The following FSTL5 variants were observed in gnomAD, a reference collection of about 807,000 sequenced individuals.
FSTL5 encodes the protein follistatin like 5, also known as follistatin-related protein 5.
FSTL5 carries 62 observed loss-of-function variants against 89.1 expected under a neutral mutation model. The ratio of observed to expected loss-of-function variants is 0.70; its 90% CI spans 0.57 to 0.86. The LOEUF is 0.86. FSTL5 is among the 40% of genes least tolerant of loss of function. The pLI, the probability that FSTL5 is intolerant of heterozygous loss-of-function variation, is 0.00. For missense variants in FSTL5, 1,057 were observed against 1,001.6 expected (o/e 1.06, Z -0.75); for synonymous variants, 383 against 346.2 (o/e 1.11, Z -1.18).
intron 2 of FSTL5, among the ~76,000 whole-genome samples, chr4:162,101,697 C>T (rs1236318644): frequency 6.6e-6 from 1 of 152,082 alleles, no homozygotes; most frequent in Non-Finnish European, 1.5e-5. Flanking sequence ...CAAATAAAAC[C>T]CTTCCAGTTG....
chr4:161,413,066 CT>C (rs1333259867), intron 15 of FSTL5, among the ~76,000 whole-genome samples: 2 of 151,844 alleles, frequency 1.3e-5, no homozygotes, highest in African/African-American at 4.8e-5. Context: ...ACAATGGGAC[CT>C]TTTTAAGCTA....
At chr4:161,595,217 G>A (rs1733969882) in intron 7 of FSTL5, among the ~76,000 whole-genome samples, 1 of 151,960 alleles carries the variant, frequency 6.6e-6, no homozygotes, top group Non-Finnish European at 1.5e-5. Flanking sequence ...TTCCTCAGCA[G>A]TTTTCTAATC....
At chr4:161,707,647 C>A (rs1738627290) in intron 6 of FSTL5, among the ~76,000 whole-genome samples, 1 of 151,694 alleles carries the variant, frequency 6.6e-6, no homozygotes, top group South Asian at 2.1e-4. Flanking sequence ...ATTATTCTGC[C>A]AAATGTATTG....
intron 1 of FSTL5, among the ~76,000 whole-genome samples, chr4:162,156,542 C>T (rs2110751393): frequency 6.6e-6 from 1 of 152,212 alleles, no homozygotes; most frequent in Admixed American, 6.6e-5. Flanking sequence ...TACACATACA[C>T]CATGTAATAC....
intron 6 of FSTL5, among the ~76,000 whole-genome samples, chr4:161,700,803 TTA>T (rs1222833639): frequency 6.6e-6 from 1 of 152,230 alleles, no homozygotes; most frequent in Non-Finnish European, 1.5e-5. Flanking sequence ...ATTGGTACAT[TTA>T]TATGTCTGTA....
intron 13 of FSTL5, among the ~76,000 whole-genome samples, chr4:161,464,569 T>C (rs553976878): frequency 6.6e-6 from 1 of 152,344 alleles, no homozygotes; most frequent in South Asian, 2.1e-4. Flanking sequence ...TATTTCTTAT[T>C]GTCTGCCTCA....
intron 3 of FSTL5, among the ~76,000 whole-genome samples, chr4:161,940,937 A>G (rs956448859): frequency 2.0e-5 from 3 of 151,862 alleles, no homozygotes; most frequent in South Asian, 2.1e-4. Context: ...TTATGTCTTA[A>G]TGAAAAGCAA....
At chr4:161,784,537 C>A (rs1447268765) in intron 4 of FSTL5, among the ~76,000 whole-genome samples, 7 of 152,060 alleles carry the variant, frequency 4.6e-5, no homozygotes, top group Admixed American at 4.6e-4. Flanking sequence ...ACTAATTTGT[C>A]ACATCATTCA....
intron 4 of FSTL5, among the ~76,000 whole-genome samples, chr4:161,906,649 T>A (rs1021699745): frequency 2.0e-5 from 3 of 152,230 alleles, no homozygotes; most frequent in African/African-American, 2.4e-5. Flanking sequence ...GGGATTTGCC[T>A]ATGAATAACA....
In FSTL5 at chr4:162,111,366, G is replaced by A. The variant is rs1310818905; in HGVS notation, c.31C>T (p.Leu11Phe). The A allele has an allele frequency of 1.2e-6, 2 of 1,612,250 alleles. No individual in the cohort carries two copies. The highest frequency in any genetic ancestry group is 1.7e-6 in the Non-Finnish European group (2 of 1,178,802). The change falls in exon 2 of 16, where the codon CTC becomes TTC. Residue 11 changes from leucine (L) to phenylalanine (F), a missense_variant. Physicochemically the swap from Leu to Phe is conservative, Grantham distance 22. This residue lies in a region of FSTL5 where 980 missense variants were observed against 903.2 expected (regional missense o/e 1.08). Transcript: ENST00000306100. The part of the protein sequence containing the change: MFKCWSVVLV[L>F]GFIFLESEGR... ...TCCGACTCCAGAAAAATGAATCCGAGAACCAAGACAACTGACCAGCACTTA... is the reference window on the plus strand; with the variant it reads ...TCCGACTCCAGAAAAATGAATCCGAAAACCAAGACAACTGACCAGCACTTA...
rs572854227 is a variant in FSTL5 at position 161,627,556 on chromosome 4, C to T, written c.894+28772G>A. 2.6e-5 allele frequency among the ~76,000 whole-genome samples: 4 copies of T among 152,142 alleles called. No individual in the cohort carries two copies. The South Asian group carries it at 8.3e-4, about 32-fold the overall frequency. On this transcript the variant is annotated intron_variant, in intron 7 of 15. Transcript: ENST00000306100. ...AAACCTTCAAGATCTCCGAGGCATGCCTGAAAGTCTAGAAAATGTGTTTTT... is the reference window on the plus strand; with the variant it reads ...AAACCTTCAAGATCTCCGAGGCATGTCTGAAAGTCTAGAAAATGTGTTTTT...
chr4:161,512,518 A>C (rs1411493405), intron 10 of FSTL5, among the ~76,000 whole-genome samples: 1 of 152,108 alleles, frequency 6.6e-6, no homozygotes, highest in Non-Finnish European at 1.5e-5. Flanking sequence ...AAGTATGAGA[A>C]ATGAGTAAGA....
intron 4 of FSTL5, among the ~76,000 whole-genome samples, chr4:161,872,546 T>C (rs1336471742): frequency 1.3e-5 from 2 of 152,198 alleles, no homozygotes; most frequent in African/African-American, 4.8e-5. Flanking sequence ...GGTTCATTCA[T>C]AACTCAGCAA....
At position 162,049,654 on chromosome 4, in the gene FSTL5, A is replaced by C. The variant is rs541649283; in HGVS notation, c.127-15996T>G. Among the ~76,000 whole-genome samples the C allele has an allele frequency of 2.0e-5, 3 of 152,194 alleles. 1 individual carries two copies. In the South Asian group the frequency reaches 6.2e-4, roughly 32 times the overall value. ...AAGGAACACTGGTTGACTATCTGCCATGCCGCTAAAAAGGAAGAATAGCTA... is the reference window on the plus strand; with the variant it reads ...AAGGAACACTGGTTGACTATCTGCCCTGCCGCTAAAAAGGAAGAATAGCTA... On this transcript the variant is annotated intron_variant, in intron 2 of 15. Coordinates refer to ENST00000306100, the MANE Select transcript of FSTL5 (RefSeq NM_020116.5).
intron 6 of FSTL5, among the ~76,000 whole-genome samples, chr4:161,665,860 C>T (rs1736875591): frequency 6.8e-6 from 1 of 147,938 alleles, no homozygotes; most frequent in African/African-American, 2.5e-5. Context: ...GAGTGGACAG[C>T]AAAAAAATAA....
intron 2 of FSTL5, among the ~76,000 whole-genome samples, chr4:162,057,244 G>A (rs994282286): frequency 1.6e-4 from 24 of 152,162 alleles, no homozygotes; most frequent in African/African-American, 5.5e-4. Context: ...GATTGTAAAA[G>A]CTTTCCCTCT....
chr4:161,913,429 C>A (rs1733753663), intron 4 of FSTL5, among the ~76,000 whole-genome samples: 1 of 152,166 alleles, frequency 6.6e-6, no homozygotes, highest in Non-Finnish European at 1.5e-5. Context: ...ACAGCTTGGG[C>A]TGTGCCTTCA....
At position 161,871,446 on chromosome 4, in the gene FSTL5, T is replaced by C. The variant is rs571109591; in HGVS notation, c.409+48958A>G. On this transcript the variant is annotated intron_variant, in intron 4 of 15. Transcript: ENST00000306100. ...TATGTCATGTATTTTATCAGAATAA[T>C]TGTTGCAACCAAAATTGTTAATTTC... 2.0e-5 allele frequency among the ~76,000 whole-genome samples: 3 copies of C among 152,276 alleles called. No individual in the cohort carries two copies. The South Asian group carries it at 6.2e-4, about 32-fold the overall frequency.
intron 2 of FSTL5, among the ~76,000 whole-genome samples, chr4:162,081,781 TTAGAAAACTGCTTCTC>T (rs940584784): frequency 8.0e-6 from 1 of 125,610 alleles, no homozygotes; most frequent in African/African-American, 2.9e-5. Flanking sequence ...AGAAAGAAAA[TTAGAAAACTGCTTCTC>T]TCTCTCTCTC....
Sources: gnomAD v4.1 joint callset for allele counts (sites outside exome capture counted in the v4.1 genomes callset) on GRCh38, gnomAD v4.1.1 for gene constraint, gnomAD v4.1.1 regional missense constraint, MANE v1.5 for transcripts, NCBI Gene and HGNC (gene_info 2026-07-23, HGNC 2026-07-21) for gene names.